LRBA: variants seen among roughly 807,000 people sequenced by gnomAD.
LRBA encodes the protein LPS responsive beige-like anchor protein, also known as lipopolysaccharide-responsive and beige-like anchor protein.
In LRBA, 176 loss-of-function variants were observed where a neutral mutation model predicts 330.0. The ratio of observed to expected loss-of-function variants is 0.53; its 90% CI spans 0.47 to 0.60. The LOEUF (loss-of-function observed/expected upper bound fraction) is 0.60. Among genes scored for constraint, LRBA ranks in the 20% least tolerant of loss-of-function variants. The pLI, the probability that LRBA is intolerant of heterozygous loss-of-function variation, is 0.00. For synonymous variants in LRBA, 1,230 were observed against 1,193.0 expected (o/e 1.03, Z -0.64); for missense variants, 3,259 against 3,444.8 (o/e 0.95, Z 1.35).
intron 44 of LRBA, among the ~76,000 whole-genome samples, chr4:150,454,204 C>G (rs144490417): frequency 1.3e-5 from 2 of 152,056 alleles, no homozygotes; most frequent in Admixed American, 6.6e-5. Flanking sequence ...CATGATCTGA[C>G]CGCCTTGGCC....
Sources: gnomAD v4.1 joint callset for allele counts (sites outside exome capture counted in the v4.1 genomes callset) on GRCh38, gnomAD v4.1.1 for gene constraint, MANE v1.5 for transcripts, NCBI Gene and HGNC (gene_info 2026-07-23, HGNC 2026-07-21) for gene names.